KAZN: variants seen among roughly 807,000 people sequenced by gnomAD.
KAZN encodes the protein kazrin.
A neutral mutation model predicts 87.4 loss-of-function variants in KAZN; 40 were observed. The observed-to-expected ratio is 0.46, with a 90% CI of 0.36 to 0.60. The LOEUF (loss-of-function observed/expected upper bound fraction) is 0.60. Among genes scored for constraint, KAZN ranks in the 20% least tolerant of loss-of-function variants. The probability of loss-of-function intolerance (pLI) is 0.00; values close to 1 mark genes in which losing one functional copy is unlikely to be tolerated. For synonymous variants in KAZN, 466 were observed against 458.3 expected (o/e 1.02, Z -0.22); for missense variants, 898 against 1,073.9 (o/e 0.84, Z 2.29).
chr1:14,514,785 C>T (rs1671216428), intron 2 of KAZN, among the ~76,000 whole-genome samples: 1 of 151,212 alleles, frequency 6.6e-6, no homozygotes, highest in African/African-American at 2.4e-5. Context: ...CCTGAGCCCC[C>T]TTCCTGAACC....
Position 14,335,107 on chromosome 1 carries a change from C to CG in KAZN, c.249+154515_249+154516insG, listed in dbSNP as rs1553159267. Reference sequence around the variant, plus strand: ...CGGATCCCTCATGAATGACTCGGTGCCCCCCCCCCACCACCCCAGTGGTGA... The same window carrying CG: ...CGGATCCCTCATGAATGACTCGGTGCGCCCCCCCCCACCACCCCAGTGGTGA... On this transcript the variant is annotated intron_variant, in intron 2 of 16. Coordinates refer to the KAZN transcript ENST00000636203. Among the ~76,000 whole-genome samples the CG allele has an allele frequency of 5.3e-4, 24 of 45,024 alleles. 1 individual carries two copies. Among genetic ancestry groups the CG allele is most frequent in the East Asian group, 4.7e-4 (1 of 2,120 alleles). The allele number at this position is 45,024 out of a possible 152,430, so 29.5% of individuals were successfully genotyped here.
rs962274501 is a variant in KAZN, at chr1:15,021,658, T to C, written c.419-13091T>C. On this transcript the variant is annotated intron_variant, in intron 2 of 14. Coordinates refer to ENST00000376030, the MANE Select transcript of KAZN (RefSeq NM_201628.3). This position sits in a 1 kb window ranked among gnomAD's most constrained non-coding sequence, Gnocchi z 4.2. The stretch of plus-strand genomic sequence containing the variant: ...AGCCGGGGTGGTGGCAGGGACAGTG[T>C]GCCCTGCGTGCAGTTAGCACCCTGA... Among the ~76,000 whole-genome samples the C allele has an allele frequency of 1.8e-4, 27 of 152,264 alleles. 1 individual carries two copies. The highest frequency in any genetic ancestry group is 3.4e-3 in the Middle Eastern group (1 of 294).
At chr1:14,956,317 A>AAAAT (rs58466983) in intron 1 of KAZN, among the ~76,000 whole-genome samples, 16 of 150,682 alleles carry the variant, frequency 1.1e-4, no homozygotes, top group African/African-American at 3.7e-4. Flanking sequence ...AAAAAAAAAA[A>AAAAT]GACCCAGCAC....
chr1:14,975,702 G>T (rs1446125719), intron 2 of KAZN, among the ~76,000 whole-genome samples: 1 of 152,094 alleles, frequency 6.6e-6, no homozygotes, highest in Admixed American at 6.5e-5. Flanking sequence ...AAAGATTGAG[G>T]CCCAGAGACC....
At chr1:14,961,452 C>G (rs10754874) in intron 2 of KAZN, among the ~76,000 whole-genome samples, 53,542 of 151,904 alleles carry the variant, frequency 0.35, 12,480 homozygotes, top group African/African-American at 0.67. Context: ...GAGGAAACCG[C>G]TGTCCACATG....
chr1:14,080,988 C>A (rs559024198), intron 1 of KAZN, among the ~76,000 whole-genome samples: 1 of 152,118 alleles, frequency 6.6e-6, no homozygotes, highest in Non-Finnish European at 1.5e-5. Context: ...GATGTGTTAA[C>A]AGTTTGAGAC....
chr1:14,958,679 G>T (rs556007752), intron 1 of KAZN, among the ~76,000 whole-genome samples: 179 of 152,328 alleles, frequency 1.2e-3, no homozygotes, highest in Middle Eastern at 6.8e-3. Context: ...ACCCTCGGGG[G>T]CGAGGACTGT....
At chr1:13,992,150 A>G (rs552900712) in intron 1 of KAZN, among the ~76,000 whole-genome samples, 2 of 152,250 alleles carry the variant, frequency 1.3e-5, no homozygotes, top group East Asian at 3.9e-4. Context: ...CACTTTCTAC[A>G]CTTCATGAAA....
chr1:14,773,634 TC>T lies in KAZN; in HGVS notation c.226+174413del, dbSNP rs1645084567. Among the ~76,000 whole-genome samples the T allele has an allele frequency of 6.6e-6, 1 of 152,146 alleles. No individual in the cohort carries two copies. Among genetic ancestry groups the T allele is most frequent in the African/African-American group, 2.4e-5 (1 of 41,456 alleles). ...AGGTCAGGCACCCGCCACCCGGTTCTCCTTCTTCCTCTTCTAAAACACTGCA... is the reference window on the plus strand; with the variant it reads ...AGGTCAGGCACCCGCCACCCGGTTCTCTTCTTCCTCTTCTAAAACACTGCA... On this transcript the variant is annotated intron_variant, in intron 1 of 14. Coordinates refer to ENST00000376030, the MANE Select transcript of KAZN (RefSeq NM_201628.3). The surrounding 1 kb of genome is among the most constrained non-coding windows in gnomAD (Gnocchi z 5.9).
At chr1:13,972,636 G>A (rs1278525557) in intron 1 of KAZN, among the ~76,000 whole-genome samples, 1 of 152,194 alleles carries the variant, frequency 6.6e-6, no homozygotes, top group African/African-American at 2.4e-5. Flanking sequence ...TTGGAGATAG[G>A]CGAGGACCAA....
chr1:14,012,207 T>A (rs991071546), intron 1 of KAZN, among the ~76,000 whole-genome samples: 5 of 152,208 alleles, frequency 3.3e-5, no homozygotes, highest in African/African-American at 1.2e-4. Context: ...TTTATTTGGA[T>A]TTTTTCCAGG....
chr1:14,798,887 A>G (rs556670620), intron 1 of KAZN, among the ~76,000 whole-genome samples: 103 of 152,100 alleles, frequency 6.8e-4, no homozygotes, highest in African/African-American at 2.4e-3. Flanking sequence ...CAGCCTCCCA[A>G]GTAGCTGGGA....
intron 1 of KAZN, among the ~76,000 whole-genome samples, chr1:13,979,669 C>T (rs992094690): frequency 1.3e-5 from 2 of 152,130 alleles, no homozygotes; most frequent in African/African-American, 2.4e-5. Context: ...TGGCACACGC[C>T]TGTAATCCCA....
chr1:14,898,710 T>C (rs912748570), intron 1 of KAZN, among the ~76,000 whole-genome samples: 6 of 152,158 alleles, frequency 3.9e-5, no homozygotes, highest in African/African-American at 1.2e-4. Context: ...AGTGGCATGA[T>C]AGACTGTCTG....
chr1:13,981,097 A>ATATATATATATATATATAAAAG (rs372269866), intron 1 of KAZN, among the ~76,000 whole-genome samples: 1 of 96,940 alleles, frequency 1.0e-5, no homozygotes, highest in Non-Finnish European at 2.2e-5. Flanking sequence ...CTTTATATAT[A>ATATATATATATATATATAAAAG]TATATATATA....
At chr1:14,688,946 C>T (rs145435259) in intron 1 of KAZN, among the ~76,000 whole-genome samples, 39 of 152,290 alleles carry the variant, frequency 2.6e-4, no homozygotes, top group African/African-American at 7.9e-4. Flanking sequence ...GTAATCCTAG[C>T]ACTTTGGGAA....
At chr1:14,987,436 G>GT (rs1162020043) in intron 2 of KAZN, among the ~76,000 whole-genome samples, 1 of 152,148 alleles carries the variant, frequency 6.6e-6, no homozygotes, top group African/African-American at 2.4e-5. Flanking sequence ...GGAGGTGGCA[G>GT]TGAGCCGAGA....
chr1:14,704,752 A>T (rs1001518360), intron 1 of KAZN, among the ~76,000 whole-genome samples: 2 of 152,180 alleles, frequency 1.3e-5, no homozygotes, highest in African/African-American at 4.8e-5. Context: ...TACAAATGAC[A>T]TCGGGGTTCA....
chr1:14,141,374 C>T (rs1210577122), intron 1 of KAZN, among the ~76,000 whole-genome samples: 1 of 151,960 alleles, frequency 6.6e-6, no homozygotes, highest in Non-Finnish European at 1.5e-5. Context: ...CACAGAGGTT[C>T]CCGACGCCCA....
Sources: gnomAD v4.1 joint callset for allele counts (sites outside exome capture counted in the v4.1 genomes callset) on GRCh38, gnomAD v4.1.1 for gene constraint, Gnocchi (gnomAD v3.1) non-coding constraint, MANE v1.5 for transcripts, NCBI Gene and HGNC (gene_info 2026-07-23, HGNC 2026-07-21) for gene names.